DYNC2H1: variants seen among roughly 807,000 people sequenced by gnomAD.
DYNC2H1 encodes the protein dynein cytoplasmic 2 heavy chain 1, also known as cytoplasmic dynein 2 heavy chain 1.
Under a neutral mutation model 570.0 loss-of-function variants are expected in DYNC2H1, and 410 were observed. That is an observed-to-expected ratio of 0.72 (90% CI 0.66 to 0.78). The LOEUF is 0.78. Among genes scored for constraint, DYNC2H1 ranks in the 30% least tolerant of loss-of-function variants. The probability of loss-of-function intolerance (pLI) is 0.00; values close to 1 mark genes in which losing one functional copy is unlikely to be tolerated. For synonymous variants in DYNC2H1, 1,688 were observed against 1,677.6 expected (o/e 1.01, Z -0.15); for missense variants, 4,865 against 5,046.4 (o/e 0.96, Z 1.09).
intron 82 of DYNC2H1, among the ~76,000 whole-genome samples, chr11:103,328,715 C>T (rs1938622003): frequency 1.3e-5 from 2 of 152,190 alleles, no homozygotes; most frequent in African/African-American, 4.8e-5. Flanking sequence ...TACTTATGTA[C>T]AGATGCTGTG....
intron 87 of DYNC2H1, 37 bp downstream of exon 87, chr11:103,456,393 T>A (rs1226612196): frequency 4.7e-6 from 7 of 1,503,788 alleles, no homozygotes; most frequent in Non-Finnish European, 5.5e-6. Flanking sequence ...ATCTCAGCCT[T>A]ATCACCAACT....
At position 103,203,447 on chromosome 11, in the gene DYNC2H1, A is replaced by G. The variant is rs1043583776; in HGVS notation, c.8198-216A>G. ...ATGGAAAAATAACCAGTAAAGGTAGACAGATGGCTAGTGTATGACTATTTT... is the reference window on the plus strand; with the variant it reads ...ATGGAAAAATAACCAGTAAAGGTAGGCAGATGGCTAGTGTATGACTATTTT... On this transcript the variant is annotated intron_variant, in intron 50 of 88. Transcript: ENST00000375735. This position sits in a 1 kb window ranked among gnomAD's most constrained non-coding sequence, Gnocchi z 4.7. Among the ~76,000 whole-genome samples, 2 of 152,150 alleles carry G rather than the reference A, an allele frequency of 1.3e-5. No individual in the cohort carries two copies. Among genetic ancestry groups the G allele is most frequent in the Non-Finnish European group, 2.9e-5 (2 of 68,022 alleles).
chr11:103,392,482 A>G (rs913720672), intron 83 of DYNC2H1, among the ~76,000 whole-genome samples: 2 of 152,134 alleles, frequency 1.3e-5, no homozygotes, highest in African/African-American at 4.8e-5. Context: ...TTCGGCTCAC[A>G]CTTGGTGCGC....
intron 85 of DYNC2H1, among the ~76,000 whole-genome samples, chr11:103,438,884 C>T (rs1414073161): frequency 6.6e-6 from 1 of 152,046 alleles, no homozygotes; most frequent in African/African-American, 2.4e-5. Flanking sequence ...TGGCATGTGT[C>T]TATAGTTCCA....
At chr11:103,153,714 A>C (rs1860678741) in intron 22 of DYNC2H1, among the ~76,000 whole-genome samples, 2 of 152,042 alleles carry the variant, frequency 1.3e-5, no homozygotes, top group African/African-American at 4.8e-5. Context: ...GCAAATTTCA[A>C]GAAAGGCCTA....
At chr11:103,451,469 G>T (rs1221862627) in intron 85 of DYNC2H1, among the ~76,000 whole-genome samples, 2 of 151,590 alleles carry the variant, frequency 1.3e-5, no homozygotes, top group South Asian at 4.2e-4. Context: ...AGTAGCTGGG[G>T]CTACAGGCGC....
rs183353594 is a variant in DYNC2H1, at chr11:103,203,140, A to T, written c.8198-523A>T. ...ATTTAAAGTCTAATTGGAGATAAGA[A>T]GGAAGTAATTCATTATTAAATGATG... On this transcript the variant is annotated intron_variant, in intron 50 of 88. Transcript: ENST00000375735. The surrounding 1 kb of genome is among the most constrained non-coding windows in gnomAD (Gnocchi z 4.7). 1.3e-5 allele frequency among the ~76,000 whole-genome samples: 2 copies of T among 152,348 alleles called. No individual in the cohort carries two copies. Among genetic ancestry groups the T allele is most frequent in the East Asian group, 3.9e-4 (2 of 5,192 alleles).
chr11:103,173,207 A>G lies in DYNC2H1; in HGVS notation c.5460A>G (p.Pro1820=). ...QLFRPVAMSH[P]DNELIAEVIL... Reference sequence around the variant, plus strand: ...TCAGGCCCGTAGCTATGTCTCATCCAGACAATGAGCTTATTGCAGAAGTTA... The same window carrying G: ...TCAGGCCCGTAGCTATGTCTCATCCGGACAATGAGCTTATTGCAGAAGTTA... The change falls in exon 35 of 89, where the codon CCA becomes CCG. Residue 1820 remains proline, a synonymous_variant. Transcript: ENST00000375735. 6.2e-7 allele frequency: 1 copy of G among 1,602,890 alleles called. No individual in the cohort carries two copies. Among genetic ancestry groups the G allele is most frequent in the Non-Finnish European group, 8.5e-7 (1 of 1,174,582 alleles).
At chr11:103,468,989 G>T (rs1034637572) in intron 88 of DYNC2H1, among the ~76,000 whole-genome samples, 3 of 152,182 alleles carry the variant, frequency 2.0e-5, no homozygotes, top group Non-Finnish European at 4.4e-5. Flanking sequence ...GAACTACCAT[G>T]TGTTGCATTC....
At chr11:103,358,396 T>C in intron 83 of DYNC2H1, 37 bp downstream of exon 83, 1 of 1,376,894 alleles carries the variant, frequency 7.3e-7, no homozygotes, top group Non-Finnish European at 1.0e-6. Flanking sequence ...CTTTTGCTTT[T>C]TCTCCCGCAT....
chr11:103,422,555 G>A (rs1943524415), intron 84 of DYNC2H1, among the ~76,000 whole-genome samples: 1 of 151,982 alleles, frequency 6.6e-6, no homozygotes. Flanking sequence ...CAATAGATGT[G>A]TTTCATTGCA....
chr11:103,217,899 C>G (rs1179120097), intron 55 of DYNC2H1, among the ~76,000 whole-genome samples: 1 of 152,114 alleles, frequency 6.6e-6, no homozygotes, highest in South Asian at 2.1e-4. Context: ...TTAACATGAA[C>G]AAAAGATTTG....
chr11:103,463,700 A>G (rs1945096757), intron 87 of DYNC2H1, among the ~76,000 whole-genome samples: 1 of 152,210 alleles, frequency 6.6e-6, no homozygotes, highest in Non-Finnish European at 1.5e-5. Context: ...GCAGTGAGTC[A>G]TGATCATGCC....
intron 85 of DYNC2H1, among the ~76,000 whole-genome samples, chr11:103,451,460 G>C (rs1205785795): frequency 1.3e-5 from 2 of 148,616 alleles, no homozygotes; most frequent in African/African-American, 5.0e-5. Flanking sequence ...AGTCTCCCAA[G>C]TAGCTGGGGC....
chr11:103,452,115 G>T (rs529382728), intron 85 of DYNC2H1, among the ~76,000 whole-genome samples: 20 of 152,102 alleles, frequency 1.3e-4, no homozygotes, highest in African/African-American at 4.1e-4. Context: ...GTGAACTGAA[G>T]ATTGAATTTT....
Position 103,321,211 on chromosome 11 carries a change from T to C in DYNC2H1, c.11908T>C (p.Ser3970Pro). The change falls in exon 81 of 89, where the codon TCT becomes CCT. Residue 3970 changes from serine to proline, a missense_variant. Ser to Pro is a moderately conservative substitution (Grantham distance 74). Around this residue, in one of 5 missense-constraint regions of DYNC2H1, gnomAD observed 2,401 missense variants for 2,454.6 expected, o/e 0.98. Coordinates refer to ENST00000375735, the MANE Select transcript of DYNC2H1 (RefSeq NM_001377.3). ...GAAAAGCATTTTTCCATATTCCGTA[T>C]CTCTACCACAATCCTGCAGCATTTT... ...NKKSIFPYSV[S>P]LPQSCSILDY... is the part of the protein sequence containing the mutation. The C allele has an allele frequency of 6.2e-7, 1 of 1,609,722 alleles. No homozygotes were observed. Among genetic ancestry groups the C allele is most frequent in the Non-Finnish European group, 8.5e-7 (1 of 1,177,566 alleles).
At position 103,324,143 on chromosome 11, in the gene DYNC2H1, T is replaced by C. The variant is rs1228429019; in HGVS notation, c.12039+153T>C. 6.6e-6 allele frequency among the ~76,000 whole-genome samples: 1 copy of C among 152,236 alleles called. No homozygotes were observed. The highest frequency in any genetic ancestry group is 1.5e-5 in the Non-Finnish European group (1 of 68,042). On this transcript the variant is annotated intron_variant, in intron 82 of 88. Coordinates refer to ENST00000375735, the MANE Select transcript of DYNC2H1 (RefSeq NM_001377.3). This position sits in a 1 kb window ranked among gnomAD's most constrained non-coding sequence, Gnocchi z 5.2. ...CCAGTTTTACTTTAAATATATTTTT[T>C]AAAATATTTGATTTTCTGATTTTTT... is the stretch of plus-strand genomic sequence containing the variant.
chr11:103,112,195 G>A (rs1338822714), intron 1 of DYNC2H1, among the ~76,000 whole-genome samples: 1 of 152,090 alleles, frequency 6.6e-6, no homozygotes, highest in Non-Finnish European at 1.5e-5. Context: ...CCAAGGCCCT[G>A]AGCTGGGTTT....
chr11:103,293,584 C>A (rs1269009377), intron 75 of DYNC2H1, among the ~76,000 whole-genome samples: 2 of 151,858 alleles, frequency 1.3e-5, no homozygotes, highest in South Asian at 2.1e-4. Flanking sequence ...TTTTTTAGAT[C>A]TTGTAGGCAT....
Sources: gnomAD v4.1 joint callset for allele counts (sites outside exome capture counted in the v4.1 genomes callset) on GRCh38, gnomAD v4.1.1 for gene constraint, gnomAD v4.1.1 regional missense constraint, Gnocchi (gnomAD v3.1) non-coding constraint, MANE v1.5 for transcripts, NCBI Gene and HGNC (gene_info 2026-07-23, HGNC 2026-07-21) for gene names.